FAAH2: variants seen among roughly 807,000 people sequenced by gnomAD.
FAAH2 encodes the protein fatty acid amide hydrolase 2, also known as fatty-acid amide hydrolase 2.
FAAH2 carries 60 observed loss-of-function variants against 36.9 expected under a neutral mutation model. The ratio of observed to expected loss-of-function variants is 1.63; its 90% CI spans 1.32 to 2.02. FAAH2 has a LOEUF of 2.02. FAAH2 is among the 30% of genes most tolerant of loss of function. FAAH2 has a pLI of 0.00. For synonymous variants in FAAH2, 214 were observed against 143.8 expected, an observed-to-expected ratio of 1.49 and a Z score of -3.49; for missense variants, 689 against 397.5, an observed-to-expected ratio of 1.73 and a Z score of -6.23.
rs778621276 is a variant in FAAH2 at position 57,388,813 on chromosome X, A to T, written c.996+7784A>T. Among the ~76,000 whole-genome samples the T allele has an allele frequency of 9.9e-5, 11 of 111,007 alleles. No homozygotes were observed. In the South Asian group the frequency reaches 4.1e-3, roughly 42 times the overall value. ...AAACCACAGATTTTTTACTGTCTTTATACTTTTGCCTTTCCCCTAATATCA... is the reference window on the plus strand; with the variant it reads ...AAACCACAGATTTTTTACTGTCTTTTTACTTTTGCCTTTCCCCTAATATCA... On this transcript the variant is annotated intron_variant, in intron 7 of 10. Transcript: ENST00000374900.
the FAAH2 span, among the ~76,000 whole-genome samples, chrX:57,228,682 C>A: frequency 9.0e-6 from 1 of 111,492 alleles, no homozygotes; most frequent in Non-Finnish European, 1.9e-5. Context: ...TTTTAAAATA[C>A]CATTTACTTC....
chrX:57,445,755 C>T (rs1326205976), intron 8 of FAAH2, among the ~76,000 whole-genome samples: 1 of 112,552 alleles, frequency 8.9e-6, no homozygotes. Context: ...CCACAGAAGT[C>T]TCTTCACCAG....
At chrX:57,367,967 G>C (rs1186926554) in intron 5 of FAAH2, among the ~76,000 whole-genome samples, 1 of 111,696 alleles carries the variant, frequency 9.0e-6, no homozygotes, top group East Asian at 2.8e-4. Flanking sequence ...CTGCTATATT[G>C]TGTCTTGCTC....
chrX:57,201,066 T>TC, the FAAH2 span, among the ~76,000 whole-genome samples: 4 of 109,539 alleles, frequency 3.7e-5, no homozygotes, highest in African/African-American at 1.3e-4. Flanking sequence ...TTTTTTTTTT[T>TC]TTCTTCAGCA....
intron 3 of FAAH2, among the ~76,000 whole-genome samples, chrX:57,325,489 G>A (rs1439196792): frequency 5.4e-5 from 6 of 111,014 alleles, no homozygotes; most frequent in Admixed American, 1.9e-4. Flanking sequence ...TTGGTTGGTA[G>A]GCTATTTATT....
At chrX:57,185,458 C>T in the FAAH2 span, among the ~76,000 whole-genome samples, 1 of 107,505 alleles carries the variant, frequency 9.3e-6, no homozygotes, top group Non-Finnish European at 1.9e-5. Context: ...TGTAGAAGTA[C>T]CACATTTTTT....
intron 3 of FAAH2, among the ~76,000 whole-genome samples, chrX:57,322,330 G>A (rs755540099): frequency 4.5e-5 from 5 of 111,718 alleles, no homozygotes; most frequent in Non-Finnish European, 7.5e-5. Context: ...GTAGGTCCCC[G>A]ATCTCTTCTT....
chrX:57,230,114 G>A, the FAAH2 span, among the ~76,000 whole-genome samples: 1 of 111,721 alleles, frequency 9.0e-6, no homozygotes, highest in African/African-American at 3.3e-5. Context: ...AATTCATGGA[G>A]ACTCCTAGTC....
At chrX:57,334,344 A>C (rs1011162660) in intron 4 of FAAH2, among the ~76,000 whole-genome samples, 13 of 109,643 alleles carry the variant, frequency 1.2e-4, no homozygotes, top group African/African-American at 4.0e-4. Context: ...CCATCAACTT[A>C]AATCTCTGTC....
At chrX:57,165,685 G>A in the FAAH2 span, among the ~76,000 whole-genome samples, 5 of 110,384 alleles carry the variant, frequency 4.5e-5, no homozygotes, top group East Asian at 1.4e-3. Context: ...AAACTTAAAA[G>A]TATAGTAATA....
the FAAH2 span, among the ~76,000 whole-genome samples, chrX:57,273,029 A>C: frequency 2.2e-4 from 25 of 112,033 alleles, no homozygotes; most frequent in Non-Finnish European, 4.1e-4. Context: ...CCTCATGTGC[A>C]AAGACACACA....
intron 5 of FAAH2, among the ~76,000 whole-genome samples, chrX:57,355,272 A>G (rs2054131359): frequency 9.1e-6 from 1 of 110,399 alleles, no homozygotes; most frequent in Non-Finnish European, 1.9e-5. Flanking sequence ...CTTTTTTTTT[A>G]GTAAGATAAC....
chrX:57,394,536 T>C, intron 7 of FAAH2: 1 of 1,208,339 alleles, frequency 8.3e-7, no homozygotes, highest in Non-Finnish European at 1.1e-6. Flanking sequence ...TACTGAATCA[T>C]CCACTTTCCT....
At chrX:57,314,472 G>A (rs1046182448) in intron 3 of FAAH2, among the ~76,000 whole-genome samples, 7 of 111,060 alleles carry the variant, frequency 6.3e-5, no homozygotes, top group African/African-American at 1.6e-4. Flanking sequence ...TACTCTACAC[G>A]GTCAGTCATA....
chrX:57,163,154 A>G, the FAAH2 span, among the ~76,000 whole-genome samples: 1 of 111,567 alleles, frequency 9.0e-6, no homozygotes, highest in Non-Finnish European at 1.9e-5. Flanking sequence ...CTGGGGGGTG[A>G]CTCCCAGTTA....
the FAAH2 span, among the ~76,000 whole-genome samples, chrX:57,272,809 T>G: frequency 8.9e-6 from 1 of 112,015 alleles, no homozygotes; most frequent in South Asian, 3.7e-4. Flanking sequence ...ACATACCAAA[T>G]TGTAAAGAAC....
the FAAH2 span, among the ~76,000 whole-genome samples, chrX:57,144,362 T>G: frequency 3.6e-5 from 4 of 110,402 alleles, no homozygotes; most frequent in Admixed American, 9.7e-5. Flanking sequence ...TTTCTCAAGG[T>G]TTGAAACACT....
intron 9 of FAAH2, 91 bp downstream of exon 9, chrX:57,447,130 A>C (rs1023835504): frequency 1.6e-6 from 1 of 608,081 alleles, no homozygotes; most frequent in African/African-American, 2.3e-5. Flanking sequence ...GGCCCCATGC[A>C]AGTCCAAAAT....
chrX:57,149,073 G>A, the FAAH2 span, among the ~76,000 whole-genome samples: 31,852 of 110,487 alleles, frequency 0.29, 3,575 homozygotes, highest in Middle Eastern at 0.58. Context: ...ATTAATTTGC[G>A]TATGTTGACA....
Sources: allele counts gnomAD v4.1 joint callset (sites outside exome capture counted in the v4.1 genomes callset), GRCh38; gene constraint gnomAD v4.1.1; transcripts MANE v1.5; gene names NCBI Gene and HGNC (gene_info 2026-07-23, HGNC 2026-07-21).